Variants in DPP10 observed in about 807,000 individuals in gnomAD.
The protein encoded by DPP10 is inactive dipeptidyl peptidase 10.
DPP10 carries 33 observed loss-of-function variants against 120.9 expected under a neutral mutation model. The observed-to-expected ratio is 0.27, with a 90% CI of 0.21 to 0.37. The LOEUF (loss-of-function observed/expected upper bound fraction) is 0.37. Ranked by LOEUF, DPP10 falls within the 10% of genes least tolerant of loss-of-function variation. The probability of loss-of-function intolerance (pLI) is 1.00; values close to 1 mark genes in which losing one functional copy is unlikely to be tolerated. For missense variants in DPP10, 816 were observed against 942.8 expected, an observed-to-expected ratio of 0.87 and a Z score of 1.76; for synonymous variants, 337 against 326.1, an observed-to-expected ratio of 1.03 and a Z score of -0.36.
At chr2:115,142,708 C>A (rs1474009334) in intron 1 of DPP10, among the ~76,000 whole-genome samples, 1 of 152,120 alleles carries the variant, frequency 6.6e-6, no homozygotes, top group Admixed American at 6.6e-5. Flanking sequence ...TATCAGGACC[C>A]AGGGAAGTTG....
At chr2:114,823,876 A>G (rs1686307669) in intron 1 of DPP10, among the ~76,000 whole-genome samples, 1 of 152,212 alleles carries the variant, frequency 6.6e-6, no homozygotes, top group Non-Finnish European at 1.5e-5. Flanking sequence ...ATCCAGCCAG[A>G]TGTCAGCCAT....
intron 1 of DPP10, chr2:115,162,032 A>G: frequency 7.1e-7 from 1 of 1,411,174 alleles, no homozygotes; most frequent in East Asian, 3.0e-5. Context: ...GGACCAGGTG[A>G]GAGTCGGCAG....
chr2:115,681,113 C>G (rs80228447), intron 5 of DPP10, among the ~76,000 whole-genome samples: 97 of 151,714 alleles, frequency 6.4e-4, no homozygotes, highest in African/African-American at 2.3e-3. Context: ...GCATGTAGGA[C>G]TATAAATTGT....
rs538221964 is a variant in DPP10 at position 114,616,843 on chromosome 2, T to C, written c.60+174005T>C. On this transcript the variant is annotated intron_variant, in intron 1 of 25. Transcript: ENST00000410059. ...ATGGAGAGATCAAGCTTTCACTACC[T>C]TAGTACAGTGAGTCACTAATTATGT... Among the ~76,000 whole-genome samples the C allele has an allele frequency of 9.7e-4, 147 of 152,168 alleles. 4 individuals are homozygous for C. In the South Asian group the frequency reaches 0.029, roughly 30 times the overall value.
At chr2:114,663,789 T>G (rs1225522029) in intron 1 of DPP10, among the ~76,000 whole-genome samples, 3 of 151,794 alleles carry the variant, frequency 2.0e-5, no homozygotes, top group Admixed American at 2.0e-4. Context: ...AGCGATTTAC[T>G]TAGTCTCTCT....
chr2:115,771,082 A>T (rs1465585099), intron 13 of DPP10, among the ~76,000 whole-genome samples: 1 of 151,306 alleles, frequency 6.6e-6, no homozygotes, highest in Non-Finnish European at 1.5e-5. Context: ...TTATTTATTT[A>T]TTTATTTTTT....
intron 1 of DPP10, among the ~76,000 whole-genome samples, chr2:114,789,056 A>G (rs1220857069): frequency 4.6e-5 from 7 of 152,214 alleles, no homozygotes; most frequent in Admixed American, 4.6e-4. Flanking sequence ...GCTAAAAGCC[A>G]GCCCACAAGA....
intron 1 of DPP10, among the ~76,000 whole-genome samples, chr2:115,133,606 G>T (rs2104803186): frequency 6.6e-6 from 1 of 152,224 alleles, no homozygotes; most frequent in Non-Finnish European, 1.5e-5. Context: ...TGCAGATGAG[G>T]AATGCTGCTC....
intron 21 of DPP10, among the ~76,000 whole-genome samples, chr2:115,832,066 T>G (rs563457468): frequency 6.6e-6 from 1 of 152,350 alleles, no homozygotes; most frequent in African/African-American, 2.4e-5. Flanking sequence ...CGTTCTTATA[T>G]CTACCTAGAA....
chr2:115,476,731 A>G (rs574042896), intron 3 of DPP10, among the ~76,000 whole-genome samples: 1 of 152,168 alleles, frequency 6.6e-6, no homozygotes, highest in African/African-American at 2.4e-5. Context: ...AGAGAGTACA[A>G]CATCCAAACT....
chr2:115,103,817 C>G (rs1271416261), intron 1 of DPP10, among the ~76,000 whole-genome samples: 1 of 152,120 alleles, frequency 6.6e-6, no homozygotes, highest in African/African-American at 2.4e-5. Flanking sequence ...AATTAGTTTG[C>G]TTTGCTCTGC....
intron 1 of DPP10, among the ~76,000 whole-genome samples, chr2:114,863,645 C>A (rs1018372645): frequency 6.6e-6 from 1 of 152,222 alleles, no homozygotes; most frequent in African/African-American, 2.4e-5. Flanking sequence ...TCATGGACTT[C>A]TTCATGTGTG....
At chr2:115,273,186 T>G (rs1346508358) in intron 1 of DPP10, among the ~76,000 whole-genome samples, 1 of 152,110 alleles carries the variant, frequency 6.6e-6, no homozygotes, top group Non-Finnish European at 1.5e-5. Context: ...AAGTGTGGAG[T>G]ACATTTCTTT....
intron 3 of DPP10, among the ~76,000 whole-genome samples, chr2:115,421,570 T>G (rs557355099): frequency 5.1e-4 from 77 of 152,108 alleles, no homozygotes; most frequent in African/African-American, 1.7e-3. Context: ...TTCGTAATAT[T>G]TTTTATACCT....
intron 1 of DPP10, among the ~76,000 whole-genome samples, chr2:115,059,231 AG>A (rs1706190915): frequency 4.6e-5 from 7 of 152,200 alleles, no homozygotes; most frequent in African/African-American, 1.7e-4. Context: ...AAAAAGAAGA[AG>A]AAGAAGAATG....
intron 1 of DPP10, among the ~76,000 whole-genome samples, chr2:114,535,593 C>G (rs1344434921): frequency 6.6e-6 from 1 of 152,118 alleles, no homozygotes; most frequent in Non-Finnish European, 1.5e-5. Flanking sequence ...TGCTACGAGC[C>G]CCTTATCCAA....
chr2:114,773,546 A>C (rs1307808782), intron 1 of DPP10, among the ~76,000 whole-genome samples: 1 of 152,224 alleles, frequency 6.6e-6, no homozygotes, highest in Non-Finnish European at 1.5e-5. Context: ...AGACTCAATA[A>C]ACAAGCCCTG....
chr2:115,134,136 G>GCC (rs1559133122), intron 1 of DPP10, among the ~76,000 whole-genome samples: 1 of 152,070 alleles, frequency 6.6e-6, no homozygotes, highest in East Asian at 1.9e-4. Flanking sequence ...ATAACATTAG[G>GCC]AAAAAGATCT....
At chr2:115,495,549 A>G (rs2076352129) in intron 3 of DPP10, among the ~76,000 whole-genome samples, 1 of 152,080 alleles carries the variant, frequency 6.6e-6, no homozygotes, top group Non-Finnish European at 1.5e-5. Flanking sequence ...AACTAAATTA[A>G]CAATGGAAAA....
Sources: allele counts gnomAD v4.1 joint callset (sites outside exome capture counted in the v4.1 genomes callset), GRCh38; gene constraint gnomAD v4.1.1; transcripts MANE v1.5; gene names NCBI Gene and HGNC (gene_info 2026-07-23, HGNC 2026-07-21).